The following OTUD7B variants were observed in gnomAD, a reference collection of about 807,000 sequenced individuals.
OTUD7B encodes the protein OTU domain-containing protein 7B.
Under a neutral mutation model 82.2 loss-of-function variants are expected in OTUD7B, and 34 were observed. The observed-to-expected ratio is 0.41, with a 90% confidence interval of 0.31 to 0.55. OTUD7B has a LOEUF of 0.55. Ranked by LOEUF, OTUD7B falls within the 20% of genes least tolerant of loss-of-function variation. The pLI, the probability that OTUD7B is intolerant of heterozygous loss-of-function variation, is 0.20. For missense variants in OTUD7B, 944 were observed against 1,062.1 expected (o/e 0.89, Z 1.55); for synonymous variants, 398 against 402.7 (o/e 0.99, Z 0.14).
chr1:150,011,054 A>G (rs1653018045), upstream of OTUD7B, among the ~76,000 whole-genome samples: 1 of 152,178 alleles, frequency 6.6e-6, no homozygotes, highest in Non-Finnish European at 1.5e-5. Flanking sequence ...TAGAAAGGTG[A>G]GAGAGATGAA....
the OTUD7B span, among the ~76,000 whole-genome samples, chr1:150,038,635 C>G: frequency 6.6e-6 from 1 of 152,164 alleles, no homozygotes; most frequent in African/African-American, 2.4e-5. Context: ...GATTCACCCA[C>G]CTCAGCCTCC....
At chr1:150,022,423 AT>A in the OTUD7B span, among the ~76,000 whole-genome samples, 9,438 of 29,904 alleles carry the variant, frequency 0.32, 3,221 homozygotes, top group African/African-American at 0.54. Context: ...AAAAAAAAAA[AT>A]AACTACATGC....
the OTUD7B span, among the ~76,000 whole-genome samples, chr1:150,049,306 A>G: frequency 7.2e-5 from 11 of 152,192 alleles, no homozygotes; most frequent in Non-Finnish European, 8.8e-5. Flanking sequence ...ATTATTCTCT[A>G]TATCTGAGTT....
the OTUD7B span, among the ~76,000 whole-genome samples, chr1:150,028,538 A>T: frequency 6.6e-6 from 1 of 152,158 alleles, no homozygotes; most frequent in African/African-American, 2.4e-5. Context: ...CCACCATCCA[A>T]CTCCAGAATT....
the OTUD7B span, among the ~76,000 whole-genome samples, chr1:150,029,427 A>G: frequency 6.6e-6 from 1 of 152,202 alleles, no homozygotes; most frequent in African/African-American, 2.4e-5. Flanking sequence ...CATTCTTGAT[A>G]CTTAGAAGAC....
upstream of OTUD7B, among the ~76,000 whole-genome samples, chr1:150,011,527 T>C (rs1293377063): frequency 1.3e-5 from 2 of 152,160 alleles, no homozygotes; most frequent in African/African-American, 4.8e-5. Flanking sequence ...CCTACCTGAG[T>C]GACAATGAGC....
the OTUD7B span, among the ~76,000 whole-genome samples, chr1:150,032,443 A>G: frequency 6.9e-6 from 1 of 144,480 alleles, no homozygotes; most frequent in African/African-American, 2.6e-5. Flanking sequence ...AGCTTGGGCA[A>G]CATAGCAAGA....
intron 1 of OTUD7B, 104 bp from the exon 2 acceptor site, chr1:149,977,680 A>G: frequency 5.4e-6 from 3 of 554,786 alleles, no homozygotes; most frequent in Non-Finnish European, 9.7e-6. Context: ...ATCCTAGCTC[A>G]TTCATTTCAG....
At chr1:149,963,710 A>C (rs1649319102) in intron 6 of OTUD7B, 1 of 154,086 alleles carries the variant, frequency 6.5e-6, no homozygotes, top group Non-Finnish European at 1.4e-5. Flanking sequence ...TTAAATAGGT[A>C]TGCTTTTTGT....
At position 149,947,234 on chromosome 1, in the gene OTUD7B, G is replaced by A. The variant is rs1553772351; in HGVS notation, c.1323+17C>T. 1 of 1,439,414 alleles carries A rather than the reference G, an allele frequency of 6.9e-7. No homozygotes were observed. The highest frequency in any genetic ancestry group is 1.1e-5 in the South Asian group (1 of 87,442). 89.2% of individuals were successfully genotyped at this position (1,439,414 alleles called of 1,614,324 possible). On this transcript the variant is annotated intron_variant, in intron 11 of 11. Transcript: ENST00000581312. ...GAAATGAAGACACACCAGGGTAGAT[G>A]TGGGAGAAGTCTTCACCTGTGCATC...
At chr1:149,991,327 T>C (rs587687272) in intron 1 of OTUD7B, among the ~76,000 whole-genome samples, 1 of 152,326 alleles carries the variant, frequency 6.6e-6, no homozygotes, top group Non-Finnish European at 1.5e-5. Flanking sequence ...TCATTTCTAC[T>C]GATCGTACCT....
At chr1:150,036,292 G>C in the OTUD7B span, among the ~76,000 whole-genome samples, 2 of 124,206 alleles carry the variant, frequency 1.6e-5, no homozygotes, top group Non-Finnish European at 3.2e-5. Context: ...ACAGAGCCTT[G>C]CTCTGTTGCC....
intron 5 of OTUD7B, among the ~76,000 whole-genome samples, chr1:149,964,704 C>T (rs587601229): frequency 6.6e-6 from 1 of 152,004 alleles, no homozygotes; most frequent in East Asian, 1.9e-4. Context: ...AGAGATTCTC[C>T]TGCTTCAGCC....
At chr1:149,977,108 G>A (rs112541181) in intron 2 of OTUD7B, among the ~76,000 whole-genome samples, 2,363 of 152,138 alleles carry the variant, frequency 0.016, 53 homozygotes, top group African/African-American at 0.051. Flanking sequence ...GCAACAGAGC[G>A]AGACTCTGTC....
chr1:149,992,634 C>A (rs1651671643), intron 1 of OTUD7B, among the ~76,000 whole-genome samples: 1 of 151,806 alleles, frequency 6.6e-6, no homozygotes, highest in Non-Finnish European at 1.5e-5. Flanking sequence ...CACCACCACA[C>A]CTGGCTAATT....
Position 149,941,350 on chromosome 1 carries a change from A to C in OTUD7B, c.*2507T>G. ...TCCTATTGGTCCAGGCCACCATTCT[A>C]TGATATGAAGGCCTAAATTAGGAAA... On this transcript the variant is annotated 3_prime_UTR_variant, in exon 12 of 12. Transcript: ENST00000581312. The C allele has an allele frequency of 6.6e-6, 1 of 152,240 alleles. No individual in the cohort carries two copies. The highest frequency in any genetic ancestry group is 1.9e-4 in the East Asian group (1 of 5,196). 9.4% of individuals were successfully genotyped at this position (152,240 alleles called of 1,614,324 possible). A position where few individuals can be genotyped will look rare whatever the true frequency, so the allele number is the denominator to read the frequency against.
At chr1:150,037,815 ATTTAT>A in the OTUD7B span, among the ~76,000 whole-genome samples, 1 of 151,908 alleles carries the variant, frequency 6.6e-6, no homozygotes, top group Non-Finnish European at 1.5e-5. Flanking sequence ...TAAATAAAAT[ATTTAT>A]TTTATATCTC....
intron 4 of OTUD7B, 82 bp from the exon 5 acceptor site, chr1:149,965,960 C>T (rs1649496284): frequency 8.7e-7 from 1 of 1,145,732 alleles, no homozygotes. Flanking sequence ...GACTCCAAAG[C>T]AGCCTCCTCT....
intron 5 of OTUD7B, among the ~76,000 whole-genome samples, chr1:149,965,477 C>T (rs962154069): frequency 6.6e-6 from 1 of 152,188 alleles, no homozygotes; most frequent in African/African-American, 2.4e-5. Context: ...TGTACACATA[C>T]ACACATCTAG....
Sources: allele counts gnomAD v4.1 joint callset (sites outside exome capture counted in the v4.1 genomes callset), GRCh38; gene constraint gnomAD v4.1.1; transcripts MANE v1.5; gene names NCBI Gene and HGNC (gene_info 2026-07-23, HGNC 2026-07-21).